The following CDH22 variants were observed in gnomAD, a reference collection of about 807,000 sequenced individuals.
CDH22 encodes cadherin 22.
A neutral mutation model predicts 58.4 loss-of-function variants in CDH22; 30 were observed. That is an observed-to-expected ratio of 0.51 (90% CI 0.38 to 0.70). The LOEUF (loss-of-function observed/expected upper bound fraction) is 0.70, where lower values mean the gene tolerates loss of function less well. Among genes scored for constraint, CDH22 ranks in the 30% least tolerant of loss-of-function variants. CDH22 has a pLI of 0.00. For synonymous variants in CDH22, 513 were observed against 558.2 expected (o/e 0.92, Z 1.14); for missense variants, 1,014 against 1,233.9 (o/e 0.82, Z 2.67).
chr20:46,265,030 C>A (rs1367980887), intron 1 of CDH22, among the ~76,000 whole-genome samples: 5 of 152,312 alleles, frequency 3.3e-5, no homozygotes, highest in African/African-American at 1.2e-4. Flanking sequence ...CCCTGCCCTG[C>A]CCCCACCCTG....
At chr20:46,240,561 G>A (rs1286697527) in intron 3 of CDH22, among the ~76,000 whole-genome samples, 1 of 152,176 alleles carries the variant, frequency 6.6e-6, no homozygotes, top group Admixed American at 6.5e-5. Context: ...CTGTGCCTGT[G>A]TAGGGGACTG....
At chr20:46,275,182 C>T (rs557753099) in intron 1 of CDH22, among the ~76,000 whole-genome samples, 1 of 152,328 alleles carries the variant, frequency 6.6e-6, no homozygotes, top group African/African-American at 2.4e-5. Context: ...TGATCCGCCC[C>T]TGTGGCCCCT....
chr20:46,210,649 C>T lies in CDH22; in HGVS notation c.1033-89G>A, dbSNP rs1265069409. 18 of 1,270,606 alleles carry T rather than the reference C, an allele frequency of 1.4e-5. No homozygotes were observed. Among genetic ancestry groups the T allele is most frequent in the South Asian group, 4.2e-5 (2 of 47,558 alleles). 78.7% of individuals were successfully genotyped at this position (1,270,606 alleles called of 1,614,324 possible). Reference sequence around the variant, plus strand: ...GGGAGGCCAAGGCAGGCGGGGTTGGCCCAAGGTCACACGTTGTCTCAGCAG... The same window carrying T: ...GGGAGGCCAAGGCAGGCGGGGTTGGTCCAAGGTCACACGTTGTCTCAGCAG... On this transcript the variant is annotated intron_variant, in intron 6 of 11. Coordinates refer to ENST00000537909, the MANE Select transcript of CDH22 (RefSeq NM_021248.3). This position sits in a 1 kb window ranked among gnomAD's most constrained non-coding sequence, Gnocchi z 4.5.
At chr20:46,306,136 C>G (rs1195741833) in intron 1 of CDH22, among the ~76,000 whole-genome samples, 1 of 152,244 alleles carries the variant, frequency 6.6e-6, no homozygotes, top group East Asian at 1.9e-4. Flanking sequence ...CACTGGGGGT[C>G]TAACTTGAAC....
intron 2 of CDH22, among the ~76,000 whole-genome samples, chr20:46,243,743 G>C (rs948473687): frequency 3.9e-5 from 6 of 152,142 alleles, no homozygotes; most frequent in African/African-American, 1.4e-4. Flanking sequence ...AGCCTGATCT[G>C]TTGTCTGCTT....
intron 11 of CDH22, among the ~76,000 whole-genome samples, chr20:46,177,666 T>A (rs1383317891): frequency 6.6e-6 from 1 of 152,156 alleles, no homozygotes; most frequent in Non-Finnish European, 1.5e-5. Flanking sequence ...AAAGGACCAT[T>A]CACATGAGAA....
chr20:46,268,816 TA>T (rs1387290375), intron 1 of CDH22, among the ~76,000 whole-genome samples: 1 of 151,874 alleles, frequency 6.6e-6, no homozygotes, highest in African/African-American at 2.4e-5. Context: ...CCCCATTATA[TA>T]GATGGGCAAA....
intron 8 of CDH22, among the ~76,000 whole-genome samples, chr20:46,198,942 C>T (rs552123640): frequency 1.3e-5 from 2 of 152,322 alleles, no homozygotes; most frequent in African/African-American, 4.8e-5. Context: ...CTTTCCCAGC[C>T]TCCTTCTCTC....
chr20:46,294,078 T>C (rs3092167), intron 1 of CDH22, among the ~76,000 whole-genome samples: 94,867 of 152,066 alleles, frequency 0.62, 30,515 homozygotes, highest in African/African-American at 0.78. Flanking sequence ...ACTTGTAAAA[T>C]GGGGGTAGGG....
chr20:46,195,624 C>CA (rs1383247625), intron 8 of CDH22, among the ~76,000 whole-genome samples: 5 of 149,974 alleles, frequency 3.3e-5, no homozygotes, highest in Non-Finnish European at 5.9e-5. Context: ...ACCCCCCCCC[C>CA]ACCCAGTCTC....
At chr20:46,298,644 ATGGATGGATGGATGGATGGGTGGG>A (rs1568686127) in intron 1 of CDH22, among the ~76,000 whole-genome samples, 1 of 151,708 alleles carries the variant, frequency 6.6e-6, no homozygotes, top group Non-Finnish European at 1.5e-5. Flanking sequence ...GAATGGGTGG[ATGGATGGATGGATGGATGGGTGGG>A]TGGATGGATG....
At chr20:46,247,657 T>C (rs1425562416) in intron 2 of CDH22, among the ~76,000 whole-genome samples, 1 of 152,134 alleles carries the variant, frequency 6.6e-6, no homozygotes, top group East Asian at 1.9e-4. Flanking sequence ...CATCGAGAGA[T>C]ACTGAGGGAC....
intron 4 of CDH22, among the ~76,000 whole-genome samples, chr20:46,224,978 A>G (rs963291471): frequency 7.2e-5 from 11 of 152,206 alleles, no homozygotes; most frequent in Non-Finnish European, 1.0e-4. Flanking sequence ...CCCTGCCTCT[A>G]ATTCCTGCCT....
chr20:46,196,282 C>CT (rs796480388), intron 8 of CDH22, among the ~76,000 whole-genome samples: 398 of 146,330 alleles, frequency 2.7e-3, no homozygotes, highest in Middle Eastern at 7.0e-3. Context: ...TTTGTGGCAG[C>CT]TTTTTTTTTT....
chr20:46,174,500 G>T lies in CDH22; in HGVS notation c.*6C>A. The stretch of plus-strand genomic sequence containing the variant: ...AGCAGCCGCGCCCCGACGGCAGGGC[G>T]AGGGGCTAGGAGGCCTGGGCCTCGT... On this transcript the variant is annotated 3_prime_UTR_variant, in exon 12 of 12. Transcript: ENST00000537909. This position sits in a 1 kb window ranked among gnomAD's most constrained non-coding sequence, Gnocchi z 4.4. 6.7e-7 allele frequency: 1 copy of T among 1,483,446 alleles called. No homozygotes were observed. The highest frequency in any genetic ancestry group is 1.3e-5 in the South Asian group (1 of 78,546). The allele number at this position is 1,483,446 out of a possible 1,614,324, so 91.9% of individuals were successfully genotyped here.
At chr20:46,208,362 T>A (rs1181758448) in intron 7 of CDH22, among the ~76,000 whole-genome samples, 2 of 152,224 alleles carry the variant, frequency 1.3e-5, no homozygotes, top group African/African-American at 4.8e-5. Flanking sequence ...CCATCCCTGC[T>A]CTGCCTCTGG....
chr20:46,270,289 G>A (rs2145756755), intron 1 of CDH22, among the ~76,000 whole-genome samples: 1 of 152,272 alleles, frequency 6.6e-6, no homozygotes, highest in African/African-American at 2.4e-5. Context: ...ATTTCTCACA[G>A]GTCCTACATC....
rs1265823340 is a variant in CDH22 at position 46,240,985 on chromosome 20, G to C, written c.528C>G (p.Ser176Arg). 6.2e-7 allele frequency: 1 copy of C among 1,612,684 alleles called. No individual in the cohort carries two copies. Among genetic ancestry groups the C allele is most frequent in the Non-Finnish European group, 8.5e-7 (1 of 1,179,026 alleles). The change falls in exon 3 of 12, where the codon AGC (serine) becomes AGG (arginine). Residue 176 changes from serine to arginine, a missense_variant. By Grantham distance (110) the Ser-to-Arg change is moderately radical (BLOSUM62 -1). Coordinates refer to ENST00000537909, the MANE Select transcript of CDH22 (RefSeq NM_021248.3). ...PRFLHGPYIG[S>R]VAELSPTGTS... is the part of the protein sequence containing the mutation. ...CACCTGTAGGTGAGAGCTCGGCCAC[G>C]CTGCCAATATAGGGGCCGTGCAGGA...
chr20:46,199,292 T>C, intron 8 of CDH22, 131 bp downstream of exon 8: 1 of 1,102,606 alleles, frequency 9.1e-7, no homozygotes, highest in East Asian at 2.6e-5. Flanking sequence ...ATCCCCAACC[T>C]TTGGCCCCTC....
Sources: allele counts gnomAD v4.1 joint callset (sites outside exome capture counted in the v4.1 genomes callset), GRCh38; gene constraint gnomAD v4.1.1; non-coding constraint Gnocchi (gnomAD v3.1); transcripts MANE v1.5; gene names NCBI Gene and HGNC (gene_info 2026-07-23, HGNC 2026-07-21).